The following KIF26B variants were observed in gnomAD, a reference collection of about 807,000 sequenced individuals.
KIF26B encodes the protein kinesin family member 26B.
A neutral mutation model predicts 151.2 loss-of-function variants in KIF26B; 63 were observed. The ratio of observed to expected loss-of-function variants is 0.42; its 90% CI spans 0.34 to 0.51. KIF26B has a LOEUF of 0.51. Ranked by LOEUF, KIF26B falls within the 20% of genes least tolerant of loss-of-function variation. The pLI is 0.07. For missense variants in KIF26B, 2,813 were observed against 2,913.6 expected (o/e 0.97, Z 0.79); for synonymous variants, 1,357 against 1,262.1 (o/e 1.08, Z -1.59).
Position 245,156,544 on chromosome 1 carries a change from G to A in KIF26B, c.326G>A (p.Gly109Asp). 6.5e-7 allele frequency: 1 copy of A among 1,535,436 alleles called. No individual in the cohort carries two copies. Among genetic ancestry groups the A allele is most frequent in the Middle Eastern group, 2.1e-4 (1 of 4,756 alleles). Residue 109 changes from glycine to aspartate, a missense_variant, in exon 2 of 15, where the codon GGC becomes GAC. By Grantham distance (94) the Gly-to-Asp change is moderately conservative. Coordinates refer to ENST00000407071, the MANE Select transcript of KIF26B (RefSeq NM_018012.4). ...GGCGGCTCTCCGGGCTTCGGCACAG[G>A]CTCCCCGGGCTCCGGCAGCGGCGGC... is the stretch of plus-strand genomic sequence containing the variant. ...SLGGSPGFGT[G>D]SPGSGSGGGS...
chr1:245,436,971 C>T (rs1213122833), intron 4 of KIF26B, among the ~76,000 whole-genome samples: 1 of 150,474 alleles, frequency 6.6e-6, no homozygotes, highest in Non-Finnish European at 1.5e-5. Flanking sequence ...ACTGCAACCT[C>T]CACCTCCTGG....
intron 2 of KIF26B, among the ~76,000 whole-genome samples, chr1:245,179,282 C>G (rs115504431): frequency 1.3e-3 from 201 of 152,290 alleles, no homozygotes; most frequent in African/African-American, 4.7e-3. Flanking sequence ...ACACATTTAT[C>G]AGGCTCCCAA....
intron 2 of KIF26B, among the ~76,000 whole-genome samples, chr1:245,231,731 C>G (rs1233891985): frequency 6.6e-6 from 1 of 151,982 alleles, no homozygotes; most frequent in Non-Finnish European, 1.5e-5. Context: ...CTCTGGGCCT[C>G]CAGTCAAAAA....
intron 2 of KIF26B, among the ~76,000 whole-genome samples, chr1:245,164,667 C>A (rs539331753): frequency 9.1e-4 from 139 of 152,302 alleles, no homozygotes; most frequent in African/African-American, 3.0e-3. Context: ...GGAAAGGAGG[C>A]AGATGGAGGA....
chr1:245,201,247 G>A (rs1296328038), intron 2 of KIF26B, among the ~76,000 whole-genome samples: 1 of 152,206 alleles, frequency 6.6e-6, no homozygotes, highest in Non-Finnish European at 1.5e-5. Flanking sequence ...GCAACAAATA[G>A]TCTAGATCAG....
chr1:245,412,252 T>G (rs1674304751), intron 3 of KIF26B, among the ~76,000 whole-genome samples: 2 of 152,314 alleles, frequency 1.3e-5, no homozygotes, highest in Admixed American at 1.3e-4. Flanking sequence ...AAGTAGCAGA[T>G]AGCAATAAAA....
intron 5 of KIF26B, among the ~76,000 whole-genome samples, chr1:245,561,769 A>G (rs1263459246): frequency 6.6e-6 from 1 of 152,170 alleles, no homozygotes; most frequent in Non-Finnish European, 1.5e-5. Context: ...GCTTCCTCTG[A>G]TGGTTTGATG....
In KIF26B at chr1:245,358,014, T is replaced by C. The variant is rs879410591; in HGVS notation, c.466-8820T>C. ...TCACTGCATCCTCAGCCTCCTGGGC[T>C]CAAGGGATCCTCCCACCTCAGCCTC... is the stretch of plus-strand genomic sequence containing the variant. On this transcript the variant is annotated intron_variant, in intron 2 of 14. Transcript: ENST00000407071. This position sits in a 1 kb window ranked among gnomAD's most constrained non-coding sequence, Gnocchi z 4.1. Among the ~76,000 whole-genome samples the C allele has an allele frequency of 4.4e-4, 67 of 152,146 alleles. No homozygotes were observed. The highest frequency in any genetic ancestry group is 6.6e-4 in the Non-Finnish European group (45 of 68,024).
chr1:245,171,560 C>T (rs570398406), intron 2 of KIF26B, among the ~76,000 whole-genome samples: 2 of 152,236 alleles, frequency 1.3e-5, no homozygotes, highest in South Asian at 4.1e-4. Flanking sequence ...AAAATTCTTA[C>T]ATGGGACAAA....
In KIF26B at chr1:245,259,954, AAAAG is replaced by A. The variant is rs1216188965; in HGVS notation, c.465+103272_465+103275del. Among the ~76,000 whole-genome samples, 6 of 151,766 alleles carry A rather than the reference AAAAG, an allele frequency of 4.0e-5. No homozygotes were observed. In the East Asian group the frequency reaches 1.2e-3, roughly 29 times the overall value. ...TGTCTCAAAAAAAAAAAAAAAAAAA[AAAAG>A]GTGAGCTTTTCTCTACTGAGTTTCT... On this transcript the variant is annotated intron_variant, in intron 2 of 14. Coordinates refer to ENST00000407071, the MANE Select transcript of KIF26B (RefSeq NM_018012.4).
intron 2 of KIF26B, among the ~76,000 whole-genome samples, chr1:245,235,927 CTTA>C (rs1465691867): frequency 2.4e-3 from 228 of 96,880 alleles, no homozygotes; most frequent in African/African-American, 9.8e-3. Flanking sequence ...CACTGCATCA[CTTA>C]TTTTTTTTTT....
At chr1:245,401,441 C>A (rs1673998390) in intron 3 of KIF26B, among the ~76,000 whole-genome samples, 1 of 152,192 alleles carries the variant, frequency 6.6e-6, no homozygotes. Flanking sequence ...CCCTTGTAAA[C>A]CCATGTAACT....
chr1:245,362,015 G>A (rs1672830273), intron 2 of KIF26B, among the ~76,000 whole-genome samples: 1 of 151,496 alleles, frequency 6.6e-6, no homozygotes, highest in Non-Finnish European at 1.5e-5. Flanking sequence ...CCTTGTGTGT[G>A]GTTCTGGGAG....
At chr1:245,403,423 G>A (rs1367605969) in intron 3 of KIF26B, among the ~76,000 whole-genome samples, 1 of 152,174 alleles carries the variant, frequency 6.6e-6, no homozygotes, top group East Asian at 1.9e-4. Context: ...ATCCTCAAAT[G>A]TGCCTTTATA....
At position 245,702,461 on chromosome 1, in the gene KIF26B, A is replaced by T. The variant is rs1456040170; in HGVS notation, c.6182A>T (p.Asp2061Val). ...TCAGGCTCTTCCTCTCTTGCAGTTG[A>T]CTTGGAGCAGGTTTGGGAGCTGGAT... ...LDPNKWLSEF[D>V]LEQVWELDSL... The change falls in exon 15 of 15, where the codon GAC becomes GTC. Residue 2061 changes from aspartate (D) to valine (V), a missense_variant. Transcript: ENST00000407071. The surrounding 1 kb of genome is among the most constrained non-coding windows in gnomAD (Gnocchi z 4.1). 1 of 1,613,732 alleles carries T rather than the reference A, an allele frequency of 6.2e-7. No homozygotes were observed. Among genetic ancestry groups the T allele is most frequent in the East Asian group, 2.2e-5 (1 of 44,850 alleles).
chr1:245,268,998 C>A (rs1257729508), intron 2 of KIF26B, among the ~76,000 whole-genome samples: 1 of 152,116 alleles, frequency 6.6e-6, no homozygotes, highest in Non-Finnish European at 1.5e-5. Context: ...GTGTGTCCAC[C>A]TAGAATCTCA....
At position 245,373,007 on chromosome 1, in the gene KIF26B, C is replaced by T. The variant is rs140512786; in HGVS notation, c.999+5640C>T. On this transcript the variant is annotated intron_variant, in intron 3 of 14. Coordinates refer to ENST00000407071, the MANE Select transcript of KIF26B (RefSeq NM_018012.4). ...TTTATGAACTATAAAGCAGGAATACCGGTATAAATTATCTATTTCAACCTT... is the reference window on the plus strand; with the variant it reads ...TTTATGAACTATAAAGCAGGAATACTGGTATAAATTATCTATTTCAACCTT... Among the ~76,000 whole-genome samples, 1,019 of 152,244 alleles carry T rather than the reference C, an allele frequency of 6.7e-3. 11 individuals carry two copies. The highest frequency in any genetic ancestry group is 6.0e-3 in the Non-Finnish European group (408 of 68,018).
At chr1:245,650,348 G>A (rs374195168) in intron 10 of KIF26B, among the ~76,000 whole-genome samples, 3 of 152,268 alleles carry the variant, frequency 2.0e-5, no homozygotes, top group Admixed American at 6.5e-5. Flanking sequence ...AGGCAGAAGC[G>A]TTGAAATGAC....
chr1:245,584,503 C>G (rs974264083), intron 5 of KIF26B, among the ~76,000 whole-genome samples: 1 of 152,214 alleles, frequency 6.6e-6, no homozygotes, highest in African/African-American at 2.4e-5. Flanking sequence ...CAAACACACT[C>G]ATGTGCACAC....
Sources: allele counts gnomAD v4.1 joint callset (sites outside exome capture counted in the v4.1 genomes callset), GRCh38; gene constraint gnomAD v4.1.1; non-coding constraint Gnocchi (gnomAD v3.1); transcripts MANE v1.5; gene names NCBI Gene and HGNC (gene_info 2026-07-23, HGNC 2026-07-21).